Variants in GALNTL6 observed in about 807,000 individuals in gnomAD.
The protein encoded by GALNTL6 is polypeptide N-acetylgalactosaminyltransferase like 6.
In GALNTL6, 46 loss-of-function variants were observed where a neutral mutation model predicts 73.7. That is an observed-to-expected ratio of 0.62 (90% CI 0.49 to 0.80). The LOEUF (loss-of-function observed/expected upper bound fraction) is 0.80, where lower values mean the gene tolerates loss of function less well. GALNTL6 is among the 30% of genes least tolerant of loss of function. GALNTL6 has a pLI of 0.00. For missense variants in GALNTL6, 604 were observed against 755.0 expected (o/e 0.80, Z 2.34); for synonymous variants, 259 against 263.7 (o/e 0.98, Z 0.17).
chr4:172,380,885 G>A (rs1743261439), intron 5 of GALNTL6, among the ~76,000 whole-genome samples: 1 of 152,106 alleles, frequency 6.6e-6, no homozygotes, highest in South Asian at 2.1e-4. Context: ...GCAATAGAAT[G>A]ATAATGAGAA....
At chr4:172,242,582 T>C (rs1471432025) in intron 3 of GALNTL6, among the ~76,000 whole-genome samples, 1 of 152,234 alleles carries the variant, frequency 6.6e-6, no homozygotes, top group Non-Finnish European at 1.5e-5. Flanking sequence ...TCAATGTATG[T>C]ATTCCACTAT....
intron 2 of GALNTL6, among the ~76,000 whole-genome samples, chr4:172,223,141 C>T (rs969621159): frequency 5.9e-5 from 9 of 151,966 alleles, no homozygotes; most frequent in African/African-American, 9.7e-5. Context: ...AATATGTTTA[C>T]GAAGTCAAGA....
chr4:172,595,803 A>C (rs1459812320), intron 5 of GALNTL6, among the ~76,000 whole-genome samples: 1 of 152,168 alleles, frequency 6.6e-6, no homozygotes, highest in Non-Finnish European at 1.5e-5. Context: ...TGGACCAGTT[A>C]ACACTGAATG....
chr4:172,142,987 G>A (rs1404483853), intron 2 of GALNTL6, among the ~76,000 whole-genome samples: 2 of 151,784 alleles, frequency 1.3e-5, no homozygotes, highest in Non-Finnish European at 2.9e-5. Context: ...CATATTTAAT[G>A]TATGTATGTA....
intron 2 of GALNTL6, 84 bp from the exon 3 acceptor site, chr4:172,229,572 G>T: frequency 1.4e-6 from 1 of 713,216 alleles, no homozygotes. Flanking sequence ...TTCTTTGATT[G>T]CCTATTATGT....
chr4:172,864,822 T>C (rs937631535), intron 7 of GALNTL6, among the ~76,000 whole-genome samples: 2 of 152,240 alleles, frequency 1.3e-5, no homozygotes, highest in Non-Finnish European at 2.9e-5. Context: ...ATTTCTATCT[T>C]TACTATGTTT....
At chr4:172,391,615 ACATTT>A (rs1483417418) in intron 5 of GALNTL6, among the ~76,000 whole-genome samples, 8 of 152,192 alleles carry the variant, frequency 5.3e-5, no homozygotes, top group African/African-American at 1.9e-4. Context: ...ATTGGCCATT[ACATTT>A]CAACATCTGA....
chr4:172,951,896 T>C, intron 9 of GALNTL6, 141 bp from the exon 10 acceptor site: 2 of 622,960 alleles, frequency 3.2e-6, no homozygotes, highest in Non-Finnish European at 2.9e-6. Context: ...ACTAAAACTC[T>C]CATTGTTCAT....
chr4:172,137,881 A>G (rs1351063044), intron 2 of GALNTL6, among the ~76,000 whole-genome samples: 1 of 152,182 alleles, frequency 6.6e-6, no homozygotes, highest in Non-Finnish European at 1.5e-5. Context: ...TGATTTTACA[A>G]AGGCTTGAAT....
At chr4:172,414,443 A>G (rs1744549430) in intron 5 of GALNTL6, among the ~76,000 whole-genome samples, 1 of 152,174 alleles carries the variant, frequency 6.6e-6, no homozygotes, top group African/African-American at 2.4e-5. Context: ...AATAAATAAT[A>G]TTTAGCATCC....
intron 5 of GALNTL6, among the ~76,000 whole-genome samples, chr4:172,743,721 A>G (rs766304319): frequency 1.1e-4 from 17 of 152,118 alleles, no homozygotes; most frequent in Non-Finnish European, 2.5e-4. Flanking sequence ...CAGATGTGCT[A>G]TCATCCTTAT....
At chr4:171,963,912 GAA>G (rs1221002066) in intron 2 of GALNTL6, among the ~76,000 whole-genome samples, 1 of 152,144 alleles carries the variant, frequency 6.6e-6, no homozygotes, top group African/African-American at 2.4e-5. Flanking sequence ...ATGTTTTATA[GAA>G]AAGAGTCTTG....
intron 11 of GALNTL6, among the ~76,000 whole-genome samples, chr4:173,010,330 A>G (rs1171999325): frequency 1.3e-5 from 2 of 152,240 alleles, no homozygotes; most frequent in African/African-American, 2.4e-5. Context: ...ATGTTGTTGC[A>G]AATGACAGGA....
At chr4:171,986,934 G>A (rs2111089134) in intron 2 of GALNTL6, among the ~76,000 whole-genome samples, 1 of 152,320 alleles carries the variant, frequency 6.6e-6, no homozygotes, top group East Asian at 1.9e-4. Flanking sequence ...ATGGCTTGCA[G>A]AAACAGTGTA....
At chr4:172,964,528 T>C (rs1040855342) in intron 10 of GALNTL6, among the ~76,000 whole-genome samples, 11 of 152,216 alleles carry the variant, frequency 7.2e-5, no homozygotes, top group African/African-American at 2.7e-4. Context: ...CTACCTAGGC[T>C]GTTTATTTGA....
At chr4:172,614,393 T>C (rs975714198) in intron 5 of GALNTL6, among the ~76,000 whole-genome samples, 1 of 152,176 alleles carries the variant, frequency 6.6e-6, no homozygotes, top group East Asian at 1.9e-4. Context: ...AGCTTACAGA[T>C]TCACCAGTCA....
At chr4:172,710,313 TAAAAC>T (rs1734624723) in intron 5 of GALNTL6, among the ~76,000 whole-genome samples, 2 of 152,162 alleles carry the variant, frequency 1.3e-5, no homozygotes, top group African/African-American at 4.8e-5. Flanking sequence ...AAAGATGTGT[TAAAAC>T]ACACACACAC....
chr4:171,817,177 C>G (rs1160400306), intron 2 of GALNTL6, among the ~76,000 whole-genome samples: 1 of 151,954 alleles, frequency 6.6e-6, no homozygotes, highest in African/African-American at 2.4e-5. Flanking sequence ...GCAATAAGTA[C>G]TGAGGCTAGT....
intron 5 of GALNTL6, among the ~76,000 whole-genome samples, chr4:172,670,260 C>G (rs1731900605): frequency 1.3e-5 from 2 of 152,114 alleles, no homozygotes; most frequent in Non-Finnish European, 2.9e-5. Flanking sequence ...ACTATTTAGA[C>G]TGCCACCAAC....
Sources: allele counts gnomAD v4.1 joint callset (sites outside exome capture counted in the v4.1 genomes callset), GRCh38; gene constraint gnomAD v4.1.1; transcripts MANE v1.5; gene names NCBI Gene and HGNC (gene_info 2026-07-23, HGNC 2026-07-21).